PPP5C: variants seen among roughly 807,000 people sequenced by gnomAD.
PPP5C encodes the protein serine/threonine-protein phosphatase 5.
In PPP5C, 21 loss-of-function variants were observed where a neutral mutation model predicts 66.7. The ratio of observed to expected loss-of-function variants is 0.31; its 90% CI spans 0.22 to 0.45. PPP5C has a LOEUF of 0.45. Ranked by LOEUF, PPP5C falls within the 20% of genes least tolerant of loss-of-function variation. The probability of loss-of-function intolerance (pLI) is 1.00; values close to 1 mark genes in which losing one functional copy is unlikely to be tolerated. For missense variants in PPP5C, 464 were observed against 675.9 expected (o/e 0.69, Z 3.48); for synonymous variants, 246 against 257.4 (o/e 0.96, Z 0.43).
intron 7 of PPP5C, 29 bp from the exon 8 acceptor site, chr19:46,387,064 G>A: frequency 6.2e-7 from 1 of 1,614,148 alleles, no homozygotes; most frequent in African/African-American, 1.3e-5. Flanking sequence ...TGGAGGCTGA[G>A]CTTTCTCTTC....
intron 2 of PPP5C, among the ~76,000 whole-genome samples, chr19:46,355,684 A>T (rs1972273130): frequency 6.6e-6 from 1 of 152,048 alleles, no homozygotes; most frequent in Admixed American, 6.5e-5. Context: ...CCTAATCTAG[A>T]AAATGGTGAC....
At chr19:46,373,222 AG>A (rs1481278103) in intron 2 of PPP5C, among the ~76,000 whole-genome samples, 1 of 152,236 alleles carries the variant, frequency 6.6e-6, no homozygotes, top group Non-Finnish European at 1.5e-5. Context: ...AGGCCCAGGC[AG>A]GGAGGGGAGG....
chr19:46,387,810 C>T, intron 9 of PPP5C: 2 of 1,066,404 alleles, frequency 1.9e-6, no homozygotes, highest in Non-Finnish European at 1.2e-6. Context: ...CACGCACGTG[C>T]ACACTGTGAG....
At chr19:46,355,779 A>C (rs1568565193) in intron 2 of PPP5C, among the ~76,000 whole-genome samples, 2 of 152,084 alleles carry the variant, frequency 1.3e-5, no homozygotes, top group Non-Finnish European at 1.5e-5. Flanking sequence ...AGTAATGAGT[A>C]ACCAAGGACA....
At position 46,355,531 on chromosome 19, in the gene PPP5C, A is replaced by T. The variant is rs73940686; in HGVS notation, c.363+1542A>T. On this transcript the variant is annotated intron_variant, in intron 2 of 12. Coordinates refer to ENST00000012443, the MANE Select transcript of PPP5C (RefSeq NM_006247.4). ...AGCTAAGCATGAGTCCAGGGGACAC[A>T]TGTTAGGATGGGGGCAGAGATGTGG... Among the ~76,000 whole-genome samples, 800 of 149,500 alleles carry T rather than the reference A, an allele frequency of 5.4e-3. 9 individuals carry two copies. Among genetic ancestry groups the T allele is most frequent in the African/African-American group, 0.018 (722 of 40,512 alleles).
At chr19:46,375,880 C>T (rs1343348878) in intron 3 of PPP5C, 129 bp downstream of exon 3, 3 of 1,421,406 alleles carry the variant, frequency 2.1e-6, no homozygotes, top group African/African-American at 1.4e-5. Flanking sequence ...TCTGTCGCTC[C>T]TCTGCCTGTG....
At chr19:46,354,029 G>A (rs2075144) in intron 2 of PPP5C, 40 bp downstream of exon 2, 862,491 of 1,601,150 alleles carry the variant, frequency 0.54, 235,150 homozygotes, top group South Asian at 0.73. Context: ...CCTGAGCCAG[G>A]CAGATACTGA....
chr19:46,374,402 G>A (rs1215947485), intron 2 of PPP5C, among the ~76,000 whole-genome samples: 2 of 151,984 alleles, frequency 1.3e-5, no homozygotes, highest in African/African-American at 4.8e-5. Flanking sequence ...GAGATACGGG[G>A]GTCTGCTCCT....
intron 2 of PPP5C, among the ~76,000 whole-genome samples, chr19:46,363,476 C>G (rs552436513): frequency 1.2e-4 from 18 of 151,474 alleles, no homozygotes; most frequent in African/African-American, 4.1e-4. Context: ...TGTCGCCAGG[C>G]TGGAGAGCAG....
Position 46,383,360 on chromosome 19 carries a change from T to G in PPP5C, c.634-51T>G. The G allele has an allele frequency of 1.3e-6, 2 of 1,589,634 alleles. No homozygotes were observed. The highest frequency in any genetic ancestry group is 8.6e-7 in the Non-Finnish European group (1 of 1,168,728). On this transcript the variant is annotated intron_variant, in intron 4 of 12. Transcript: ENST00000012443. This position sits in a 1 kb window ranked among gnomAD's most constrained non-coding sequence, Gnocchi z 5.0. ...GGCAGTCCAGGCTTTCGGGGCCAGG[T>G]TGGGCAGCAGCCCCTGCAGCCGGTC...
intron 2 of PPP5C, among the ~76,000 whole-genome samples, chr19:46,361,452 C>T (rs1484278518): frequency 6.8e-6 from 1 of 146,680 alleles, no homozygotes; most frequent in Non-Finnish European, 1.5e-5. Context: ...TTATCTTTTA[C>T]TAATACTACA....
At chr19:46,352,558 C>T (rs937856972) in intron 1 of PPP5C, among the ~76,000 whole-genome samples, 8 of 152,092 alleles carry the variant, frequency 5.3e-5, no homozygotes, top group Admixed American at 3.3e-4. Flanking sequence ...CTGTGGCTCA[C>T]GCCTGTAATC....
intron 2 of PPP5C, among the ~76,000 whole-genome samples, chr19:46,372,401 T>C (rs1972609603): frequency 6.6e-6 from 1 of 151,740 alleles, no homozygotes; most frequent in South Asian, 2.1e-4. Context: ...TTTCTAGAGA[T>C]AGGGACTCAC....
chr19:46,360,956 G>C (rs1200553857), intron 2 of PPP5C, among the ~76,000 whole-genome samples: 1 of 152,120 alleles, frequency 6.6e-6, no homozygotes, highest in Admixed American at 6.6e-5. Flanking sequence ...TGGTAGAGAG[G>C]AGACTCAGTT....
At chr19:46,379,432 C>T (rs903073913) in intron 4 of PPP5C, among the ~76,000 whole-genome samples, 6 of 152,206 alleles carry the variant, frequency 3.9e-5, no homozygotes, top group Non-Finnish European at 8.8e-5. Context: ...AGATAATCCA[C>T]CCACCTCGGC....
chr19:46,376,714 T>A lies in PPP5C; in HGVS notation c.633+140T>A. On this transcript the variant is annotated intron_variant, in intron 4 of 12. Coordinates refer to ENST00000012443, the MANE Select transcript of PPP5C (RefSeq NM_006247.4). This position sits in a 1 kb window ranked among gnomAD's most constrained non-coding sequence, Gnocchi z 5.1. Reference sequence around the variant, plus strand: ...CAAACAGGAGTCGTGTGCCGGACACTGTGCCGAGGGCTTACCACATGATCT... The same window carrying A: ...CAAACAGGAGTCGTGTGCCGGACACAGTGCCGAGGGCTTACCACATGATCT... The A allele has an allele frequency of 1.1e-5, 14 of 1,222,068 alleles. No homozygotes were observed. The highest frequency in any genetic ancestry group is 1.6e-5 in the Non-Finnish European group (14 of 884,510). 75.7% of individuals were successfully genotyped at this position (1,222,068 alleles called of 1,614,324 possible).
rs781056485 is a variant in PPP5C, at chr19:46,383,851, C to T, written c.771C>T (p.Asn257=). Residue 257 remains asparagine (N), a synonymous_variant, in exon 6 of 13, where the codon AAC becomes AAT. Transcript: ENST00000012443. This position sits in a 1 kb window ranked among gnomAD's most constrained non-coding sequence, Gnocchi z 5.0. Reference sequence around the variant, plus strand: ...ACCTCCTCAACATATTCGAGCTCAACGGTTTACCCTCGGAGACCAACCCCT... The same window carrying T: ...ACCTCCTCAACATATTCGAGCTCAATGGTTTACCCTCGGAGACCAACCCCT... ...FYDLLNIFEL[N]GLPSETNPYI... is the part of the protein sequence containing the mutation. 2.2e-5 allele frequency: 35 copies of T among 1,613,758 alleles called. No homozygotes were observed. The highest frequency in any genetic ancestry group is 9.3e-5 in the African/African-American group (7 of 74,910).
chr19:46,351,627 G>A (rs557523965), intron 1 of PPP5C, among the ~76,000 whole-genome samples: 7 of 152,344 alleles, frequency 4.6e-5, no homozygotes, highest in Middle Eastern at 3.4e-3. Flanking sequence ...TCAGGAGCGC[G>A]GGCCAGGCAG....
chr19:46,382,551 G>C (rs923380447), intron 4 of PPP5C: 2 of 152,686 alleles, frequency 1.3e-5, no homozygotes, highest in Non-Finnish European at 2.9e-5. Context: ...GTTAACATCT[G>C]TCCACCCTTC....
Sources: gnomAD v4.1 joint callset for allele counts (sites outside exome capture counted in the v4.1 genomes callset) on GRCh38, gnomAD v4.1.1 for gene constraint, Gnocchi (gnomAD v3.1) non-coding constraint, MANE v1.5 for transcripts, NCBI Gene and HGNC (gene_info 2026-07-23, HGNC 2026-07-21) for gene names.